The following OR56A3 variants were observed in gnomAD, a reference collection of about 807,000 sequenced individuals.
The protein encoded by OR56A3 is olfactory receptor 56A3.
OR56A3 carries 23 observed loss-of-function variants against 17.5 expected under a neutral mutation model. That is an observed-to-expected ratio of 1.32 (90% CI 0.95 to 1.87). The LOEUF is 1.87. Among genes scored for constraint, OR56A3 ranks in the 40% most tolerant of loss-of-function variants. OR56A3 has a pLI of 0.00. For missense variants in OR56A3, 366 were observed against 380.1 expected, an observed-to-expected ratio of 0.96 and a Z score of 0.31; for synonymous variants, 175 against 150.6, an observed-to-expected ratio of 1.16 and a Z score of -1.19.
the OR56A3 span, chr11:6,019,396 G>A: frequency 6.6e-6 from 1 of 152,072 alleles, no homozygotes; most frequent in East Asian, 1.9e-4. Context: ...GATACATCAT[G>A]TATTAGTCCG....
chr11:6,008,788 TAGAG>T, the OR56A3 span, among the ~76,000 whole-genome samples: 1 of 152,218 alleles, frequency 6.6e-6, no homozygotes, highest in East Asian at 1.9e-4. Flanking sequence ...CCTGCCATCT[TAGAG>T]GGAGACCAAA....
the OR56A3 span, among the ~76,000 whole-genome samples, chr11:5,993,053 C>T: frequency 6.6e-6 from 1 of 152,084 alleles, no homozygotes; most frequent in Non-Finnish European, 1.5e-5. Flanking sequence ...AGTTAGTGCC[C>T]ATAAGAATTG....
At chr11:5,961,117 C>T in the OR56A3 span, among the ~76,000 whole-genome samples, 6 of 151,600 alleles carry the variant, frequency 4.0e-5, no homozygotes, top group South Asian at 1.2e-3. Context: ...CGGCCAGCCG[C>T]CCCGTCCGGG....
chr11:5,970,727 C>A, the OR56A3 span, among the ~76,000 whole-genome samples: 4 of 151,684 alleles, frequency 2.6e-5, no homozygotes, highest in Non-Finnish European at 5.9e-5. Context: ...GGGGAGACAA[C>A]TACTATTTCC....
At chr11:6,002,903 C>G in the OR56A3 span, 5 of 1,614,050 alleles carry the variant, frequency 3.1e-6, no homozygotes, top group Non-Finnish European at 2.5e-6. Flanking sequence ...GGGGCAGAGA[C>G]AACCAGTGCT....
chr11:5,948,395 C>T lies in OR56A3; in HGVS notation c.*101C>T, dbSNP rs555043733. The T allele has an allele frequency of 4.1e-6, 3 of 735,814 alleles. No individual in the cohort carries two copies. The South Asian group carries it at 5.6e-5, about 14-fold the overall frequency. The allele number at this position is 735,814 out of a possible 1,614,324, so 45.6% of individuals were successfully genotyped here. On this transcript the variant is annotated 3_prime_UTR_variant, in exon 3 of 3. Coordinates refer to ENST00000641160, the MANE Select transcript of OR56A3 (RefSeq NM_001003443.3). Reference sequence around the variant, plus strand: ...CATATCTGTGACTTATAACCTCAAACTGGGTACACTAGATATTGTGTGTGC... The same window carrying T: ...CATATCTGTGACTTATAACCTCAAATTGGGTACACTAGATATTGTGTGTGC...
At chr11:6,017,178 A>T in the OR56A3 span, 3 of 152,178 alleles carry the variant, frequency 2.0e-5, no homozygotes, top group African/African-American at 7.2e-5. Context: ...AAATGGTCAA[A>T]TATTCAAATT....
chr11:5,976,017 T>C, the OR56A3 span, among the ~76,000 whole-genome samples: 4 of 151,892 alleles, frequency 2.6e-5, no homozygotes, highest in East Asian at 3.9e-4. Context: ...CAAATAAATA[T>C]GTTTTTCAAT....
the OR56A3 span, among the ~76,000 whole-genome samples, chr11:5,963,600 A>AT: frequency 6.6e-6 from 1 of 151,532 alleles, no homozygotes; most frequent in African/African-American, 2.4e-5. Context: ...TTATTTGCTT[A>AT]TTTTCTCTTG....
downstream of OR56A3, among the ~76,000 whole-genome samples, chr11:5,952,534 T>C (rs1847913385): frequency 6.6e-6 from 1 of 151,988 alleles, no homozygotes; most frequent in Non-Finnish European, 1.5e-5. Context: ...TTCTCAACTT[T>C]TATTTTAGAT....
the OR56A3 span, among the ~76,000 whole-genome samples, chr11:5,979,087 T>G: frequency 9.9e-5 from 15 of 152,196 alleles, no homozygotes; most frequent in African/African-American, 3.6e-4. Flanking sequence ...TGGATTAGCT[T>G]TTTGATGTGC....
At chr11:5,976,936 T>C in the OR56A3 span, among the ~76,000 whole-genome samples, 6 of 152,228 alleles carry the variant, frequency 3.9e-5, no homozygotes, top group Admixed American at 6.5e-5. Context: ...GTATTCAATA[T>C]TCATTCCTGC....
the OR56A3 span, among the ~76,000 whole-genome samples, chr11:6,013,801 C>T: frequency 6.6e-6 from 1 of 152,068 alleles, no homozygotes; most frequent in African/African-American, 2.4e-5. Context: ...CATTGTCTGC[C>T]ACCACCGGCA....
At chr11:5,962,781 A>G in the OR56A3 span, among the ~76,000 whole-genome samples, 6 of 151,016 alleles carry the variant, frequency 4.0e-5, no homozygotes, top group South Asian at 4.2e-4. Flanking sequence ...CTCATGATTC[A>G]CCCGCCTCGG....
the OR56A3 span, among the ~76,000 whole-genome samples, chr11:5,970,679 G>A: frequency 2.7e-5 from 4 of 149,894 alleles, no homozygotes; most frequent in East Asian, 7.8e-4. Flanking sequence ...AAATATTGGT[G>A]ATAAAAAGGA....
At chr11:5,961,804 G>C in the OR56A3 span, among the ~76,000 whole-genome samples, 17 of 149,538 alleles carry the variant, frequency 1.1e-4, no homozygotes, top group African/African-American at 4.2e-4. Flanking sequence ...ATATAACTTT[G>C]GGTGGTATGG....
chr11:6,007,070 A>G, the OR56A3 span: 4 of 152,244 alleles, frequency 2.6e-5, no homozygotes, highest in Admixed American at 1.3e-4. Flanking sequence ...CTGGGGCCCT[A>G]TGGTCCATGT....
the OR56A3 span, among the ~76,000 whole-genome samples, chr11:5,991,388 C>G: frequency 1.3e-5 from 2 of 152,164 alleles, no homozygotes; most frequent in Admixed American, 1.3e-4. Flanking sequence ...CTTTCCCCCA[C>G]TGTCATAGAG....
At chr11:6,001,872 A>G in the OR56A3 span, 23,857 of 596,612 alleles carry the variant, frequency 0.04, 573 homozygotes, top group Non-Finnish European at 0.047. Context: ...TTCAAGCAAC[A>G]GAAAACAAAG....
Sources: gnomAD v4.1 joint callset for allele counts (sites outside exome capture counted in the v4.1 genomes callset) on GRCh38, gnomAD v4.1.1 for gene constraint, MANE v1.5 for transcripts, NCBI Gene and HGNC (gene_info 2026-07-23, HGNC 2026-07-21) for gene names.